SMAP1: variants seen among roughly 807,000 people sequenced by gnomAD.
SMAP1 encodes stromal membrane-associated protein 1.
A neutral mutation model predicts 58.5 loss-of-function variants in SMAP1; 24 were observed. The ratio of observed to expected loss-of-function variants is 0.41; its 90% CI spans 0.30 to 0.58. SMAP1 has a LOEUF of 0.58. Ranked by LOEUF, SMAP1 falls within the 20% of genes least tolerant of loss-of-function variation. The pLI is 0.29. For missense variants in SMAP1, 563 were observed against 566.3 expected, an observed-to-expected ratio of 0.99 and a Z score of 0.06; for synonymous variants, 216 against 196.6, an observed-to-expected ratio of 1.10 and a Z score of -0.82.
chr6:70,854,209 C>A (rs1771304262), intron 8 of SMAP1, among the ~76,000 whole-genome samples: 1 of 152,202 alleles, frequency 6.6e-6, no homozygotes, highest in African/African-American at 2.4e-5. Flanking sequence ...ATATCTAATA[C>A]TTCTTTTGGA....
At chr6:70,831,914 C>T (rs1045023136) in intron 6 of SMAP1, among the ~76,000 whole-genome samples, 5 of 152,084 alleles carry the variant, frequency 3.3e-5, no homozygotes, top group Non-Finnish European at 5.9e-5. Context: ...TTCTCCACAG[C>T]GTTGCCAGCA....
chr6:70,670,964 A>C (rs1766239341), intron 1 of SMAP1, among the ~76,000 whole-genome samples: 1 of 152,202 alleles, frequency 6.6e-6, no homozygotes, highest in African/African-American at 2.4e-5. Context: ...GCTCTTACCA[A>C]ATCTGTTGAA....
intron 2 of SMAP1, among the ~76,000 whole-genome samples, chr6:70,733,508 G>A (rs1765506477): frequency 6.6e-6 from 1 of 152,160 alleles, no homozygotes; most frequent in South Asian, 2.1e-4. Flanking sequence ...TAGTATCTCT[G>A]TAGAATATGG....
chr6:70,774,738 T>C (rs888690590), intron 4 of SMAP1, among the ~76,000 whole-genome samples: 3 of 150,724 alleles, frequency 2.0e-5, no homozygotes, highest in Admixed American at 6.6e-5. Flanking sequence ...AAAATTTTTA[T>C]TTTTTTTTCG....
intron 8 of SMAP1, among the ~76,000 whole-genome samples, chr6:70,853,905 T>C (rs1322231255): frequency 6.6e-6 from 1 of 152,234 alleles, no homozygotes; most frequent in Non-Finnish European, 1.5e-5. Context: ...TCTAGCATTG[T>C]AGTGCGGCTG....
intron 4 of SMAP1, among the ~76,000 whole-genome samples, chr6:70,781,740 T>G (rs1042563597): frequency 2.0e-5 from 3 of 152,220 alleles, no homozygotes; most frequent in Non-Finnish European, 2.9e-5. Flanking sequence ...ATTTTAAACA[T>G]TATGCTTTAT....
intron 2 of SMAP1, among the ~76,000 whole-genome samples, chr6:70,745,862 T>C (rs1766010428): frequency 1.3e-5 from 2 of 152,204 alleles, no homozygotes; most frequent in Non-Finnish European, 1.5e-5. Context: ...AGCAGTGGTT[T>C]GTAGGTCTCC....
At chr6:70,674,689 G>A (rs1766404766) in intron 1 of SMAP1, among the ~76,000 whole-genome samples, 1 of 152,154 alleles carries the variant, frequency 6.6e-6, no homozygotes, top group Admixed American at 6.5e-5. Context: ...AAAAAGTTTT[G>A]GATGCCGGGT....
intron 4 of SMAP1, among the ~76,000 whole-genome samples, chr6:70,787,998 C>T (rs1768143236): frequency 6.6e-6 from 1 of 152,180 alleles, no homozygotes. Flanking sequence ...GACACGTGCC[C>T]ACGTATGTTT....
At chr6:70,820,921 A>G (rs889411103) in intron 6 of SMAP1, among the ~76,000 whole-genome samples, 2 of 152,122 alleles carry the variant, frequency 1.3e-5, no homozygotes, top group African/African-American at 4.8e-5. Context: ...TAAATAAACT[A>G]ATTAATACAA....
intron 1 of SMAP1, among the ~76,000 whole-genome samples, chr6:70,696,368 G>T (rs1373440463): frequency 6.6e-6 from 1 of 151,904 alleles, no homozygotes; most frequent in Non-Finnish European, 1.5e-5. Flanking sequence ...TGCTTTTTTA[G>T]TGTAAGTGCT....
chr6:70,703,145 T>A (rs1047619237), intron 1 of SMAP1, among the ~76,000 whole-genome samples: 1 of 152,124 alleles, frequency 6.6e-6, no homozygotes, highest in African/African-American at 2.4e-5. Context: ...TGACACGATA[T>A]GGCTGACTGC....
intron 5 of SMAP1, among the ~76,000 whole-genome samples, chr6:70,792,258 C>T (rs977770160): frequency 2.6e-5 from 4 of 151,520 alleles, no homozygotes; most frequent in Admixed American, 1.3e-4. Context: ...GCAGATACTA[C>T]CACTATGTAT....
chr6:70,853,287 T>G (rs1771258901), intron 8 of SMAP1, among the ~76,000 whole-genome samples: 1 of 152,092 alleles, frequency 6.6e-6, no homozygotes, highest in Admixed American at 6.6e-5. Flanking sequence ...GGTGAAGAAA[T>G]TTTGAATTGC....
At chr6:70,668,525 T>C (rs1766131059) in intron 1 of SMAP1, 2 of 1,517,972 alleles carry the variant, frequency 1.3e-6, no homozygotes, top group Middle Eastern at 1.9e-4. Context: ...GCTCTGCTCA[T>C]AGCTATCTCT....
At chr6:70,743,132 C>A (rs952020416) in intron 2 of SMAP1, among the ~76,000 whole-genome samples, 1 of 152,120 alleles carries the variant, frequency 6.6e-6, no homozygotes, top group Non-Finnish European at 1.5e-5. Context: ...TTATATATCT[C>A]TTGAATGTTT....
rs5877259 is a variant in SMAP1 at position 70,718,819 on chromosome 6, CAAAAAAA to C, written c.119-13542_119-13536del. 1.0e-3 allele frequency among the ~76,000 whole-genome samples: 59 copies of C among 57,552 alleles called. 2 individuals carry two copies. In the Admixed American group the frequency reaches 0.011, roughly 11 times the overall value. 37.8% of individuals were successfully genotyped at this position (57,552 alleles called of 152,430 possible). ...TGGGTGACAGTGTAAGACTCCATCT[CAAAAAAA>C]AAAAAAAAAAAAAAAAGTGTTGCTT... On this transcript the variant is annotated intron_variant, in intron 1 of 10. Coordinates refer to ENST00000370455, the MANE Select transcript of SMAP1 (RefSeq NM_001044305.3).
chr6:70,769,514 C>T (rs1048417165), intron 3 of SMAP1, among the ~76,000 whole-genome samples: 1 of 152,188 alleles, frequency 6.6e-6, no homozygotes, highest in South Asian at 2.1e-4. Context: ...TAATGGCCTT[C>T]TTTGTCTCTT....
chr6:70,748,822 C>G (rs1348125082), intron 2 of SMAP1, among the ~76,000 whole-genome samples: 10 of 152,064 alleles, frequency 6.6e-5, no homozygotes, highest in Non-Finnish European at 1.0e-4. Context: ...CAGTTGCCCT[C>G]CATAGAAGTA....
Sources: allele counts gnomAD v4.1 joint callset (sites outside exome capture counted in the v4.1 genomes callset), GRCh38; gene constraint gnomAD v4.1.1; transcripts MANE v1.5; gene names NCBI Gene and HGNC (gene_info 2026-07-23, HGNC 2026-07-21).